Variants in SRGAP1 observed in about 807,000 individuals in gnomAD.
The protein encoded by SRGAP1 is SLIT-ROBO Rho GTPase-activating protein 1.
In SRGAP1, 43 loss-of-function variants were observed where a neutral mutation model predicts 121.9. The observed-to-expected ratio is 0.35, with a 90% CI of 0.28 to 0.46. The LOEUF is 0.46. SRGAP1 is among the 20% of genes least tolerant of loss of function. SRGAP1 has a pLI of 1.00. For synonymous variants in SRGAP1, 447 were observed against 485.4 expected (o/e 0.92, Z 1.04); for missense variants, 1,102 against 1,350.9 (o/e 0.82, Z 2.89).
At chr12:64,117,472 A>G (rs1246470265) in intron 18 of SRGAP1, among the ~76,000 whole-genome samples, 1 of 152,094 alleles carries the variant, frequency 6.6e-6, no homozygotes, top group East Asian at 1.9e-4. Flanking sequence ...TCAAATGCTT[A>G]TTATGTCTTT....
At position 63,910,492 on chromosome 12, in the gene SRGAP1, G is replaced by T. The variant is rs1369409246; in HGVS notation, c.67+65609G>T. Among the ~76,000 whole-genome samples, 8 of 152,282 alleles carry T rather than the reference G, an allele frequency of 5.3e-5. No individual in the cohort carries two copies. The East Asian group carries it at 1.4e-3, about 26-fold the overall frequency. ...ATGTAGCATTCAAGAGTAACACAAT[G>T]TAGTTACATTTCCTTCCCACCCTCT... On this transcript the variant is annotated intron_variant, in intron 1 of 21. Transcript: ENST00000355086.
chr12:64,013,911 C>T (rs886277061), intron 3 of SRGAP1, among the ~76,000 whole-genome samples: 2 of 152,278 alleles, frequency 1.3e-5, no homozygotes, highest in East Asian at 1.9e-4. Context: ...TCAAAGTCAA[C>T]TCAAGCCCCT....
intron 8 of SRGAP1, among the ~76,000 whole-genome samples, chr12:64,069,369 T>A (rs1221982323): frequency 6.6e-6 from 1 of 152,232 alleles, no homozygotes; most frequent in Admixed American, 6.5e-5. Flanking sequence ...TGAAGATTCA[T>A]AAGAGATTGT....
intron 6 of SRGAP1, among the ~76,000 whole-genome samples, chr12:64,062,087 T>C (rs765114803): frequency 2.0e-5 from 3 of 152,158 alleles, no homozygotes. Context: ...TGTTTAACTT[T>C]TGAGAAACTA....
intron 15 of SRGAP1, among the ~76,000 whole-genome samples, chr12:64,105,198 G>T (rs2036324976): frequency 6.6e-6 from 1 of 152,150 alleles, no homozygotes; most frequent in Admixed American, 6.6e-5. Flanking sequence ...AGTTAGCATA[G>T]TGTCCTCAAG....
At chr12:63,922,399 C>T (rs1225452092) in intron 1 of SRGAP1, among the ~76,000 whole-genome samples, 1 of 152,172 alleles carries the variant, frequency 6.6e-6, no homozygotes, top group Non-Finnish European at 1.5e-5. Flanking sequence ...AAACAGAAGG[C>T]ATTTCAGTAG....
intron 21 of SRGAP1, 61 bp downstream of exon 21, chr12:64,128,261 A>G: frequency 2.1e-6 from 3 of 1,404,258 alleles, no homozygotes; most frequent in Non-Finnish European, 2.9e-6. Context: ...AGGAGGTGTG[A>G]AAGATTTACT....
At chr12:63,882,362 G>A (rs900990237) in intron 1 of SRGAP1, among the ~76,000 whole-genome samples, 8 of 151,960 alleles carry the variant, frequency 5.3e-5, no homozygotes, top group African/African-American at 1.9e-4. Flanking sequence ...GCTCACTGCA[G>A]CCTCCACCTC....
At chr12:64,122,532 A>T (rs1372149376) in intron 18 of SRGAP1, among the ~76,000 whole-genome samples, 1 of 152,238 alleles carries the variant, frequency 6.6e-6, no homozygotes, top group African/African-American at 2.4e-5. Context: ...CTGCTGATTT[A>T]TCTGGTCATC....
chr12:64,000,928 A>G (rs999000692), intron 3 of SRGAP1, among the ~76,000 whole-genome samples: 4 of 152,202 alleles, frequency 2.6e-5, no homozygotes, highest in Admixed American at 6.5e-5. Context: ...AAAGATTTCA[A>G]CCAACCCTTG....
intron 1 of SRGAP1, among the ~76,000 whole-genome samples, chr12:63,871,339 G>A (rs962312042): frequency 5.3e-5 from 8 of 151,958 alleles, no homozygotes; most frequent in Non-Finnish European, 1.2e-4. Context: ...ATTATAAAGC[G>A]CCTTTTCATG....
chr12:63,913,056 C>T (rs1217404035), intron 1 of SRGAP1, among the ~76,000 whole-genome samples: 1 of 151,978 alleles, frequency 6.6e-6, no homozygotes, highest in African/African-American at 2.4e-5. Context: ...TAAGGCCCTC[C>T]TCGATCTGCC....
At chr12:63,870,053 A>T (rs1210993391) in intron 1 of SRGAP1, among the ~76,000 whole-genome samples, 2 of 152,224 alleles carry the variant, frequency 1.3e-5, no homozygotes, top group African/African-American at 4.8e-5. Flanking sequence ...CACCTTAAAA[A>T]AAGGTTAAAT....
intron 1 of SRGAP1, among the ~76,000 whole-genome samples, chr12:63,961,571 A>G (rs897775147): frequency 7.2e-5 from 11 of 152,220 alleles, no homozygotes; most frequent in Non-Finnish European, 1.3e-4. Flanking sequence ...CCTGACCAGG[A>G]CAGAGCCCCC....
intron 6 of SRGAP1, among the ~76,000 whole-genome samples, chr12:64,056,549 CAAAA>C (rs1273579087): frequency 0.018 from 1,085 of 60,060 alleles, 9 homozygotes; most frequent in African/African-American, 0.053. Context: ...TGAGACTCCA[CAAAA>C]AAAAAAAAAA....
At position 64,148,824 on chromosome 12, in the gene SRGAP1, G is replaced by C. The variant is rs943112732; in HGVS notation, c.*6152G>C. The C allele has an allele frequency of 6.6e-5, 10 of 152,192 alleles. No homozygotes were observed. The highest frequency in any genetic ancestry group is 2.2e-4 in the African/African-American group (9 of 41,446). 9.4% of individuals were successfully genotyped at this position (152,192 alleles called of 1,614,324 possible). On this transcript the variant is annotated 3_prime_UTR_variant, in exon 22 of 22. Transcript: ENST00000355086. ...GACACACTGATGTATCCACCACCCA[G>C]TTTAAGCAATAGCACATTATCAGCA... is the stretch of plus-strand genomic sequence containing the variant.
chr12:63,858,631 A>T (rs562265144), intron 1 of SRGAP1, among the ~76,000 whole-genome samples: 4 of 152,190 alleles, frequency 2.6e-5, no homozygotes, highest in Admixed American at 6.6e-5. Context: ...TAAACTGCTA[A>T]TCAGTAGTTA....
chr12:63,996,880 A>G (rs2136427887), intron 3 of SRGAP1, among the ~76,000 whole-genome samples: 2 of 152,172 alleles, frequency 1.3e-5, no homozygotes, highest in East Asian at 3.9e-4. Flanking sequence ...CTAAACTATC[A>G]TTTTTTGCAA....
At chr12:63,882,120 G>A (rs1481363690) in intron 1 of SRGAP1, among the ~76,000 whole-genome samples, 4 of 152,084 alleles carry the variant, frequency 2.6e-5, no homozygotes, top group Admixed American at 6.5e-5. Flanking sequence ...CAAAAACTGC[G>A]ATTACTTTTG....
Sources: allele counts gnomAD v4.1 joint callset (sites outside exome capture counted in the v4.1 genomes callset), GRCh38; gene constraint gnomAD v4.1.1; transcripts MANE v1.5; gene names NCBI Gene and HGNC (gene_info 2026-07-23, HGNC 2026-07-21).